The following DLGAP1 variants were observed in gnomAD, a reference collection of about 807,000 sequenced individuals.
DLGAP1 encodes the protein DLG associated protein 1.
Under a neutral mutation model 90.8 loss-of-function variants are expected in DLGAP1, and 11 were observed. The ratio of observed to expected loss-of-function variants is 0.12; its 90% CI spans 0.08 to 0.20. The LOEUF is 0.20. Ranked by LOEUF, DLGAP1 falls within the 10% of genes least tolerant of loss-of-function variation. DLGAP1 has a pLI of 1.00. For synonymous variants in DLGAP1, 558 were observed against 540.7 expected (o/e 1.03, Z -0.44); for missense variants, 1,050 against 1,333.8 (o/e 0.79, Z 3.31).
intron 1 of DLGAP1, among the ~76,000 whole-genome samples, chr18:4,339,372 C>T (rs191841146): frequency 5.3e-5 from 8 of 152,226 alleles, no homozygotes; most frequent in Admixed American, 3.9e-4. Flanking sequence ...TTAATGCATG[C>T]GAGTCTTAAT....
intron 7 of DLGAP1, among the ~76,000 whole-genome samples, chr18:3,692,908 AC>A (rs60527195): frequency 8.0e-4 from 122 of 152,280 alleles, no homozygotes; most frequent in African/African-American, 2.9e-3. Flanking sequence ...GTAATTCTGG[AC>A]TTGGAGCTTC....
Position 3,655,273 on chromosome 18 carries a change from C to G in DLGAP1, c.1592-73025G>C, listed in dbSNP as rs186815029. Among the ~76,000 whole-genome samples the G allele has an allele frequency of 2.5e-3, 383 of 152,266 alleles. 1 individual carries two copies. The highest frequency in any genetic ancestry group is 8.8e-3 in the African/African-American group (367 of 41,552). ...CCAATAAACGAGAACACACACCCCC[C>G]CAAAACAAACACAGAAACTCACAAA... On this transcript the variant is annotated intron_variant, in intron 7 of 12. Coordinates refer to ENST00000315677, the MANE Select transcript of DLGAP1 (RefSeq NM_004746.4).
At position 3,502,651 on chromosome 18, in the gene DLGAP1, C is replaced by T; in HGVS notation, c.2572-6G>A. 6.2e-7 allele frequency: 1 copy of T among 1,600,148 alleles called. No individual in the cohort carries two copies. Among genetic ancestry groups the T allele is most frequent in the Non-Finnish European group, 8.5e-7 (1 of 1,175,922 alleles). On this transcript the variant is annotated splice_polypyrimidine_tract_variant and splice_region_variant and intron_variant, in intron 11 of 12. Coordinates refer to ENST00000315677, the MANE Select transcript of DLGAP1 (RefSeq NM_004746.4). ...CTTGGATGAGCATTAGGATTCTGCACAAGAGAAAGAAAAACATTCATGCTT... is the reference window on the plus strand; with the variant it reads ...CTTGGATGAGCATTAGGATTCTGCATAAGAGAAAGAAAAACATTCATGCTT...
chr18:3,652,503 A>C (rs2059349631), intron 7 of DLGAP1, among the ~76,000 whole-genome samples: 1 of 134,752 alleles, frequency 7.4e-6, no homozygotes, highest in Non-Finnish European at 1.6e-5. Context: ...AACTTTTACA[A>C]AATATTTTTT....
chr18:3,855,230 T>C (rs1337005462), intron 4 of DLGAP1, among the ~76,000 whole-genome samples: 1 of 152,100 alleles, frequency 6.6e-6, no homozygotes, highest in African/African-American at 2.4e-5. Context: ...AGCCAAACAT[T>C]AAGTACATAT....
At chr18:3,665,445 C>T (rs1276657433) in intron 7 of DLGAP1, among the ~76,000 whole-genome samples, 1 of 152,202 alleles carries the variant, frequency 6.6e-6, no homozygotes, top group Non-Finnish European at 1.5e-5. Context: ...ATGGAAAATA[C>T]ATGCTCCGCT....
Position 3,710,775 on chromosome 18 carries a change from T to C in DLGAP1, c.1591+18360A>G, listed in dbSNP as rs75590555. 5.3e-3 allele frequency among the ~76,000 whole-genome samples: 800 copies of C among 152,226 alleles called. 49 individuals are homozygous for C. The East Asian group carries it at 0.14, about 26-fold the overall frequency. ...GACTTGGGGCAGAGCCAAGTGGCCA[T>C]GAGACAGAGATGTGAACATGGAGTT... is the stretch of plus-strand genomic sequence containing the variant. On this transcript the variant is annotated intron_variant, in intron 7 of 12. Coordinates refer to ENST00000315677, the MANE Select transcript of DLGAP1 (RefSeq NM_004746.4).
intron 4 of DLGAP1, among the ~76,000 whole-genome samples, chr18:3,819,371 T>C (rs542841777): frequency 1.2e-4 from 18 of 152,192 alleles, no homozygotes; most frequent in African/African-American, 1.4e-4. Context: ...TGACACTCCA[T>C]AGAATATATA....
intron 1 of DLGAP1, among the ~76,000 whole-genome samples, chr18:4,168,578 T>C (rs974601766): frequency 4.6e-5 from 7 of 152,154 alleles, no homozygotes; most frequent in African/African-American, 1.7e-4. Context: ...TAGTCCTTGG[T>C]AACCACTATT....
chr18:3,630,763 T>C (rs1264569303), intron 7 of DLGAP1, among the ~76,000 whole-genome samples: 1 of 152,140 alleles, frequency 6.6e-6, no homozygotes, highest in East Asian at 1.9e-4. Flanking sequence ...CTTATTACTA[T>C]AGGCTAATTA....
chr18:3,842,583 G>GTT (rs113749275), intron 4 of DLGAP1, among the ~76,000 whole-genome samples: 2 of 142,924 alleles, frequency 1.4e-5, no homozygotes, highest in Non-Finnish European at 1.5e-5. Context: ...AAGATTTGGT[G>GTT]TTTTTTTTTT....
In DLGAP1 at chr18:3,581,956, CGTG is replaced by C. The variant is rs2055549450; in HGVS notation, c.1881_1883del (p.Thr630del). 5 of 1,613,872 alleles carry C rather than the reference CGTG, an allele frequency of 3.1e-6. No homozygotes were observed. The Admixed American group carries it at 5.0e-5, about 16-fold the overall frequency. On this transcript the variant is annotated inframe_deletion, in exon 8 of 13. Transcript: ENST00000315677. The stretch of plus-strand genomic sequence containing the variant: ...CCGTGGTGACGGTGGCTATGGTAGT[CGTG>C]GTGGTGACGGTGGCAGTGTTATTGC...
At chr18:4,139,601 A>T (rs956906135) in intron 2 of DLGAP1, among the ~76,000 whole-genome samples, 3 of 151,986 alleles carry the variant, frequency 2.0e-5, no homozygotes, top group African/African-American at 7.2e-5. Context: ...CAGCCATTGG[A>T]TGAAATGTTC....
intron 7 of DLGAP1, among the ~76,000 whole-genome samples, chr18:3,605,591 G>T (rs1424136292): frequency 6.6e-6 from 1 of 152,096 alleles, no homozygotes; most frequent in Non-Finnish European, 1.5e-5. Context: ...TTCAAACACT[G>T]CTTCGTTAAT....
At chr18:4,095,456 C>A (rs1027199332) in intron 2 of DLGAP1, among the ~76,000 whole-genome samples, 1 of 152,104 alleles carries the variant, frequency 6.6e-6, no homozygotes, top group Non-Finnish European at 1.5e-5. Flanking sequence ...GGAAACAGGA[C>A]AAATTGTACT....
At chr18:3,624,205 A>G (rs888833109) in intron 7 of DLGAP1, among the ~76,000 whole-genome samples, 2 of 152,232 alleles carry the variant, frequency 1.3e-5, no homozygotes, top group African/African-American at 4.8e-5. Context: ...ACCTCTGGCC[A>G]GGAGACAACG....
In DLGAP1 at chr18:3,880,020, C is replaced by T. The variant is rs779305058; in HGVS notation, c.49G>A (p.Asp17Asn). 2 of 1,608,062 alleles carry T rather than the reference C, an allele frequency of 1.2e-6. No individual in the cohort carries two copies. Among genetic ancestry groups the T allele is most frequent in the Non-Finnish European group, 1.7e-6 (2 of 1,179,866 alleles). ...TGCGACAGCGAGTCACAGGCCGAGT[C>T]GCAGGTGACCCCGTGGTGATGGCTG... is the stretch of plus-strand genomic sequence containing the variant. ...SRSHHHGVTC[D>N]SACDSLSHHS... is the part of the protein sequence containing the mutation. Residue 17 changes from aspartate (D) to asparagine (N), a missense_variant, in exon 4 of 13, where the codon GAC (aspartate) becomes AAC (asparagine). Coordinates refer to ENST00000315677, the MANE Select transcript of DLGAP1 (RefSeq NM_004746.4).
At chr18:3,877,136 G>T (rs777278105) in intron 4 of DLGAP1, among the ~76,000 whole-genome samples, 1 of 152,098 alleles carries the variant, frequency 6.6e-6, no homozygotes, top group Non-Finnish European at 1.5e-5. Context: ...GTAATCTTGG[G>T]ATTATCACAA....
At chr18:3,756,021 A>G (rs1451836147) in intron 5 of DLGAP1, among the ~76,000 whole-genome samples, 1 of 152,170 alleles carries the variant, frequency 6.6e-6, no homozygotes, top group African/African-American at 2.4e-5. Context: ...AAATTTTGGA[A>G]CCGCACAATA....
Sources: allele counts gnomAD v4.1 joint callset (sites outside exome capture counted in the v4.1 genomes callset), GRCh38; gene constraint gnomAD v4.1.1; transcripts MANE v1.5; gene names NCBI Gene and HGNC (gene_info 2026-07-23, HGNC 2026-07-21).